HYCC1: variants seen among roughly 807,000 people sequenced by gnomAD.
HYCC1 encodes the protein hyccin PI4KA lipid kinase complex subunit 1.
chr7:22,940,202 A>AT, the HYCC1 span: 1 of 140,614 alleles, frequency 7.1e-6, no homozygotes, highest in Non-Finnish European at 1.5e-5. Flanking sequence ...CAAGCCAGGA[A>AT]TTTTTTCAAG....
chr7:22,920,848 T>C, the HYCC1 span, among the ~76,000 whole-genome samples: 16 of 152,266 alleles, frequency 1.1e-4, no homozygotes, highest in African/African-American at 3.6e-4. Flanking sequence ...TGAGGGTGGA[T>C]CCCTCATGCA....
At chr7:22,945,714 A>G in the HYCC1 span, 1 of 1,613,746 alleles carries the variant, frequency 6.2e-7, no homozygotes, top group Non-Finnish European at 8.5e-7. Flanking sequence ...CAAGCGGAAA[A>G]CCTATTGGCA....
chr7:22,999,848 G>A, the HYCC1 span, among the ~76,000 whole-genome samples: 1 of 152,038 alleles, frequency 6.6e-6, no homozygotes, highest in Non-Finnish European at 1.5e-5. Context: ...AGGAAAAGCA[G>A]GGAATAGACG....
At chr7:22,956,816 T>A in the HYCC1 span, among the ~76,000 whole-genome samples, 1 of 151,688 alleles carries the variant, frequency 6.6e-6, no homozygotes, top group African/African-American at 2.4e-5. Flanking sequence ...GCCAAGCAAA[T>A]AACAGGACTG....
At chr7:22,942,616 C>T in the HYCC1 span, 3 of 152,246 alleles carry the variant, frequency 2.0e-5, no homozygotes, top group South Asian at 2.1e-4. Context: ...AATGAAGCCA[C>T]AATTTCTGTT....
chr7:22,940,234 C>CTTT, the HYCC1 span: 5 of 76,148 alleles, frequency 6.6e-5, no homozygotes, highest in South Asian at 4.8e-4. Flanking sequence ...TTAATAGGTT[C>CTTT]TGTTTTTTTT....
At chr7:22,923,223 T>C in the HYCC1 span, among the ~76,000 whole-genome samples, 2 of 152,042 alleles carry the variant, frequency 1.3e-5, no homozygotes, top group Non-Finnish European at 2.9e-5. Context: ...TCTCCAACCA[T>C]AGGAATAAAA....
the HYCC1 span, among the ~76,000 whole-genome samples, chr7:22,909,785 G>A: frequency 3.3e-5 from 5 of 152,072 alleles, no homozygotes; most frequent in African/African-American, 1.2e-4. Flanking sequence ...CTTTTATGTA[G>A]GTATTGTTAA....
At chr7:23,004,934 T>C in the HYCC1 span, among the ~76,000 whole-genome samples, 1 of 152,064 alleles carries the variant, frequency 6.6e-6, no homozygotes, top group African/African-American at 2.4e-5. Flanking sequence ...GCCTCCTGAG[T>C]AGCTGGGACT....
the HYCC1 span, among the ~76,000 whole-genome samples, chr7:22,931,258 A>AG: frequency 6.7e-6 from 1 of 150,226 alleles, no homozygotes; most frequent in Non-Finnish European, 1.5e-5. Context: ...AAAAAAAGAA[A>AG]AAAAAAAAAA....
At chr7:23,002,592 C>G in the HYCC1 span, among the ~76,000 whole-genome samples, 3 of 152,080 alleles carry the variant, frequency 2.0e-5, no homozygotes, top group Non-Finnish European at 4.4e-5. Context: ...ATAGTTATTA[C>G]TTTCTTCATT....
chr7:22,978,311 G>A, the HYCC1 span: 9 of 1,614,034 alleles, frequency 5.6e-6, no homozygotes, highest in Non-Finnish European at 7.6e-6. Flanking sequence ...TGCATCCACT[G>A]CTATGCACAT....
At chr7:22,953,649 T>C in the HYCC1 span, among the ~76,000 whole-genome samples, 1 of 151,922 alleles carries the variant, frequency 6.6e-6, no homozygotes, top group Non-Finnish European at 1.5e-5. Context: ...GGTTAATATG[T>C]CTTTTTTCCT....
the HYCC1 span, among the ~76,000 whole-genome samples, chr7:22,952,368 C>G: frequency 6.6e-6 from 1 of 151,980 alleles, no homozygotes; most frequent in Non-Finnish European, 1.5e-5. Flanking sequence ...ACACAACAAT[C>G]TGGAGTAAGG....
the HYCC1 span, among the ~76,000 whole-genome samples, chr7:22,981,814 T>C: frequency 6.6e-6 from 1 of 152,198 alleles, no homozygotes; most frequent in Non-Finnish European, 1.5e-5. Context: ...GCCTCACACA[T>C]GGTGTGAGTT....
chr7:22,963,791 CT>C, the HYCC1 span, among the ~76,000 whole-genome samples: 1 of 152,100 alleles, frequency 6.6e-6, no homozygotes, highest in African/African-American at 2.4e-5. Context: ...TAAATTCTGC[CT>C]TTAAGAAGTT....
the HYCC1 span, among the ~76,000 whole-genome samples, chr7:23,009,281 T>C: frequency 0.016 from 2,448 of 152,232 alleles, 71 homozygotes; most frequent in African/African-American, 0.056. Context: ...ATTATATTAG[T>C]AATTAAGAAA....
the HYCC1 span, among the ~76,000 whole-genome samples, chr7:22,923,995 GAAAAA>G: frequency 1.0e-4 from 12 of 114,530 alleles, no homozygotes; most frequent in African/African-American, 3.1e-4. Flanking sequence ...TGACTTTAAT[GAAAAA>G]AAAAAAAAAA....
chr7:22,994,275 A>C, the HYCC1 span, among the ~76,000 whole-genome samples: 2 of 152,240 alleles, frequency 1.3e-5, no homozygotes, highest in African/African-American at 4.8e-5. Flanking sequence ...TTAATGAATA[A>C]ACTATATCTG....
Sources: gnomAD v4.1 joint callset for allele counts (sites outside exome capture counted in the v4.1 genomes callset) on GRCh38, gnomAD v4.1.1 for gene constraint, MANE v1.5 for transcripts, NCBI Gene and HGNC (gene_info 2026-07-23, HGNC 2026-07-21) for gene names.